The following RRBP1 variants were observed in gnomAD, a reference collection of about 807,000 sequenced individuals.
The protein encoded by RRBP1 is ribosome binding protein 1.
RRBP1 carries 94 observed loss-of-function variants against 165.2 expected under a neutral mutation model. That is an observed-to-expected ratio of 0.57 (90% CI 0.48 to 0.68). The LOEUF (loss-of-function observed/expected upper bound fraction) is 0.68. RRBP1 is among the 30% of genes least tolerant of loss of function. The pLI is 0.00. For missense variants in RRBP1, 1,676 were observed against 1,763.0 expected, an observed-to-expected ratio of 0.95 and a Z score of 0.88; for synonymous variants, 680 against 714.5, an observed-to-expected ratio of 0.95 and a Z score of 0.77.
intron 5 of RRBP1, among the ~76,000 whole-genome samples, chr20:17,641,157 A>T (rs1423552119): frequency 6.6e-6 from 1 of 152,238 alleles, no homozygotes; most frequent in Non-Finnish European, 1.5e-5. Context: ...TGAATTCTGC[A>T]GTGGGAAGAA....
rs961825072 is a variant in RRBP1 at position 17,659,944 on chromosome 20, C to G, written c.564G>C (p.Lys188Asn). The change falls in exon 3 of 25, where the codon AAG becomes AAC. Residue 188 changes from lysine to asparagine, a missense_variant. This residue lies in a region of RRBP1 where 392 missense variants were observed against 382.5 expected (regional missense o/e 1.02). Transcript: ENST00000377813. Reference sequence around the variant, plus strand: ...TAGTGCCAGTGGCTGGTGTGTTGCCCTTGGCACCCACTGGGGGCACCACCA... The same window carrying G: ...TAGTGCCAGTGGCTGGTGTGTTGCCGTTGGCACCCACTGGGGGCACCACCA... The part of the protein sequence containing the change: ...PMVVVPPVGA[K>N]GNTPATGTTQ... The G allele has an allele frequency of 6.3e-7, 1 of 1,590,426 alleles. No individual in the cohort carries two copies.
intron 3 of RRBP1, among the ~76,000 whole-genome samples, chr20:17,644,453 G>A (rs1038289384): frequency 6.6e-5 from 10 of 152,150 alleles, no homozygotes; most frequent in African/African-American, 1.2e-4. Flanking sequence ...GCTCACTCTC[G>A]GGAGAAACCC....
intron 8 of RRBP1, among the ~76,000 whole-genome samples, 188 bp from the exon 9 acceptor site, chr20:17,630,149 T>C (rs771154805): frequency 5.9e-5 from 9 of 152,192 alleles, no homozygotes; most frequent in Non-Finnish European, 1.0e-4. Flanking sequence ...CAGAACCCTT[T>C]CATGGGGAGA....
At chr20:17,645,359 A>C (rs181303103) in intron 3 of RRBP1, among the ~76,000 whole-genome samples, 1 of 152,368 alleles carries the variant, frequency 6.6e-6, no homozygotes, top group East Asian at 1.9e-4. Context: ...ATTCTATTAG[A>C]TATTTTAACA....
At chr20:17,619,599 G>C in intron 19 of RRBP1, 34 bp downstream of exon 19, 6 of 1,509,856 alleles carry the variant, frequency 4.0e-6, no homozygotes, top group South Asian at 3.5e-5. Context: ...AGATCTGCTG[G>C]GCAGGGGCTG....
chr20:17,624,795 C>T (rs747564692), intron 12 of RRBP1, 127 bp from the exon 13 acceptor site: 26 of 682,954 alleles, frequency 3.8e-5, no homozygotes, highest in East Asian at 2.2e-4. Context: ...GGACCTGCCA[C>T]GGGACAAAAT....
chr20:17,617,660 G>C (rs534692957), intron 20 of RRBP1, among the ~76,000 whole-genome samples: 63 of 152,370 alleles, frequency 4.1e-4, no homozygotes, highest in African/African-American at 1.3e-3. Flanking sequence ...GTGGCCCCTA[G>C]ACACAGGAGG....
chr20:17,630,505 A>T (rs1568762062), intron 8 of RRBP1, among the ~76,000 whole-genome samples: 1 of 152,232 alleles, frequency 6.6e-6, no homozygotes, highest in Non-Finnish European at 1.5e-5. Flanking sequence ...CACATGCTTC[A>T]AAAGTATCTC....
intron 5 of RRBP1, among the ~76,000 whole-genome samples, chr20:17,640,826 C>T (rs527928837): frequency 1.5e-4 from 23 of 152,140 alleles, no homozygotes; most frequent in Non-Finnish European, 2.6e-4. Context: ...CCTGAATTTG[C>T]GACAAAAAGT....
intron 3 of RRBP1, among the ~76,000 whole-genome samples, chr20:17,649,021 TG>T (rs1307266695): frequency 3.9e-5 from 6 of 152,234 alleles, no homozygotes; most frequent in Admixed American, 2.0e-4. Flanking sequence ...AAGAGATTTC[TG>T]GAAGAGTGTC....
At chr20:17,618,457 C>T (rs1261396615) in intron 20 of RRBP1, 139 bp downstream of exon 20, 1 of 730,618 alleles carries the variant, frequency 1.4e-6, no homozygotes, top group Non-Finnish European at 2.4e-6. Flanking sequence ...GAAGCCGGCC[C>T]CATGCTGCTC....
At position 17,681,882 on chromosome 20, in the gene RRBP1, G is replaced by A. The variant is rs959902690; in HGVS notation, c.-99+146C>T. On this transcript the variant is annotated intron_variant, in intron 1 of 24. Transcript: ENST00000377813. ...CCGACCCCGACCCCGATGGTGCACG[G>A]CCGCGGCGGCAGGCGGCGGGCGGCG... 171 of 147,218 alleles carry A rather than the reference G, an allele frequency of 1.2e-3. 1 individual carries two copies. The highest frequency in any genetic ancestry group is 4.0e-3 in the African/African-American group (162 of 40,944). The allele number at this position is 147,218 out of a possible 1,614,324, so 9.1% of individuals were successfully genotyped here. A position where few individuals can be genotyped will look rare whatever the true frequency, so the allele number is the denominator to read the frequency against.
At chr20:17,681,564 G>C (rs2037188907) in intron 1 of RRBP1, among the ~76,000 whole-genome samples, 1 of 129,236 alleles carries the variant, frequency 7.7e-6, no homozygotes, top group Non-Finnish European at 1.7e-5. Flanking sequence ...CACCCCTCCG[G>C]CCCGGACTCC....
intron 9 of RRBP1, 93 bp downstream of exon 9, chr20:17,629,730 C>A: frequency 1.5e-6 from 2 of 1,353,196 alleles, no homozygotes; most frequent in South Asian, 2.6e-5. Flanking sequence ...ACAGGCCTAA[C>A]CCACTGAGTT....
At chr20:17,657,132 T>A (rs2036658990) in intron 3 of RRBP1, among the ~76,000 whole-genome samples, 4 of 152,234 alleles carry the variant, frequency 2.6e-5, no homozygotes, top group Admixed American at 2.0e-4. Context: ...CTCAGCTCCA[T>A]CCCCAGCTTT....
Position 17,659,362 on chromosome 20 carries a change from G to A in RRBP1, c.1146C>T (p.Ala382=), listed in dbSNP as rs202159002. ...AEGAQNQGKK[A]EGAQNQGKKV... ...TTTTGCCCTGGTTCTGAGCCCCCTC[G>A]GCCTTTTTGCCCTGGTTCTGAGCCC... The change falls in exon 3 of 25, where the codon GCC becomes GCT. Residue 382 remains alanine (A), a synonymous_variant. Transcript: ENST00000377813. 21 of 1,502,600 alleles carry A rather than the reference G, an allele frequency of 1.4e-5. No homozygotes were observed. Among genetic ancestry groups the A allele is most frequent in the South Asian group, 3.6e-5 (3 of 82,262 alleles). 93.1% of individuals were successfully genotyped at this position (1,502,600 alleles called of 1,614,324 possible).
At position 17,658,173 on chromosome 20, in the gene RRBP1, A is replaced by G. The variant is rs555385604; in HGVS notation, c.1912+423T>C. On this transcript the variant is annotated intron_variant, in intron 3 of 24. Transcript: ENST00000377813. The stretch of plus-strand genomic sequence containing the variant: ...CTTGCAGTCCCTTCTCCCTGGACAC[A>G]GTGGACTCCCTGCCCCTTGACTCAG... Among the ~76,000 whole-genome samples the G allele has an allele frequency of 1.2e-4, 18 of 152,292 alleles. 1 individual carries two copies. In the East Asian group the frequency reaches 3.1e-3, roughly 26 times the overall value.
At chr20:17,635,221 C>A (rs955182251) in intron 7 of RRBP1, among the ~76,000 whole-genome samples, 1 of 152,206 alleles carries the variant, frequency 6.6e-6, no homozygotes, top group Admixed American at 6.5e-5. Context: ...TCAGAGACAA[C>A]ACTGAGATGA....
At chr20:17,628,736 C>G (rs894052431) in intron 9 of RRBP1, among the ~76,000 whole-genome samples, 1 of 152,372 alleles carries the variant, frequency 6.6e-6, no homozygotes, top group East Asian at 1.9e-4. Flanking sequence ...TGCCATGCAT[C>G]CCCTCCTGCC....
Sources: gnomAD v4.1 joint callset for allele counts (sites outside exome capture counted in the v4.1 genomes callset) on GRCh38, gnomAD v4.1.1 for gene constraint, gnomAD v4.1.1 regional missense constraint, MANE v1.5 for transcripts, NCBI Gene and HGNC (gene_info 2026-07-23, HGNC 2026-07-21) for gene names.